The following PTPRO variants were observed in gnomAD, a reference collection of about 807,000 sequenced individuals.
PTPRO encodes protein tyrosine phosphatase receptor type O, also known as receptor-type tyrosine-protein phosphatase O.
In PTPRO, 62 loss-of-function variants were observed where a neutral mutation model predicts 145.2. The observed-to-expected ratio is 0.43, with a 90% CI of 0.35 to 0.53. The LOEUF (loss-of-function observed/expected upper bound fraction) is 0.53. PTPRO is among the 20% of genes least tolerant of loss of function. The probability of loss-of-function intolerance (pLI) is 0.01; values close to 1 mark genes in which losing one functional copy is unlikely to be tolerated. For synonymous variants in PTPRO, 565 were observed against 514.7 expected (o/e 1.10, Z -1.32); for missense variants, 1,345 against 1,482.7 (o/e 0.91, Z 1.53).
chr12:15,513,291 G>C lies in PTPRO; in HGVS notation c.1465-2207G>C, dbSNP rs576035614. Among the ~76,000 whole-genome samples, 426 of 151,210 alleles carry C rather than the reference G, an allele frequency of 2.8e-3. 10 individuals are homozygous for C. Among genetic ancestry groups the C allele is most frequent in the East Asian group, 9.7e-4 (5 of 5,148 alleles). On this transcript the variant is annotated intron_variant, in intron 7 of 26. Transcript: ENST00000281171. ...AGGAAGGAGGGAGGGAGGGAAGGAA[G>C]GAAGGAAGGAAGGGAAACTCTCTAT...
intron 10 of PTPRO, among the ~76,000 whole-genome samples, chr12:15,522,441 T>A (rs1179883752): frequency 6.6e-6 from 1 of 150,530 alleles, no homozygotes; most frequent in Non-Finnish European, 1.5e-5. Context: ...ACAGTTCTCA[T>A]GTGATGCTAA....
intron 12 of PTPRO, among the ~76,000 whole-genome samples, chr12:15,542,853 C>T (rs1011618719): frequency 6.6e-5 from 10 of 152,140 alleles, no homozygotes; most frequent in East Asian, 3.9e-4. Context: ...ATTTCAAGTA[C>T]GCAACAGCTA....
chr12:15,412,168 G>GA (rs55688106), intron 1 of PTPRO, among the ~76,000 whole-genome samples: 1 of 152,036 alleles, frequency 6.6e-6, no homozygotes, highest in Non-Finnish European at 1.5e-5. Context: ...AAAAGCATTT[G>GA]AAAAAATGCC....
rs769300317 is a variant in PTPRO, at chr12:15,497,259, A to T, written c.364A>T (p.Thr122Ser). The change falls in exon 3 of 27, where the codon ACC becomes TCC. Residue 122 changes from threonine to serine, a missense_variant. This residue lies in a region of PTPRO where 1,130 missense variants were observed against 1,214.7 expected (regional missense o/e 0.93). Coordinates refer to ENST00000281171, the MANE Select transcript of PTPRO (RefSeq NM_030667.3). ...CACTTCTGTAGAACCTCTACCTGTA[A>T]CCAGTGTTTCCATATATGACTATAA... ...ITVLTKPLPV[T>S]SVSIYDYKPS... 8.3e-6 allele frequency: 13 copies of T among 1,573,644 alleles called. No individual in the cohort carries two copies. In the South Asian group the frequency reaches 1.4e-4, roughly 17 times the overall value.
At chr12:15,383,069 C>T (rs1165328107) in intron 1 of PTPRO, among the ~76,000 whole-genome samples, 1 of 152,166 alleles carries the variant, frequency 6.6e-6, no homozygotes, top group African/African-American at 2.4e-5. Flanking sequence ...CTTATTCCTC[C>T]TGCCTAACTG....
intron 12 of PTPRO, among the ~76,000 whole-genome samples, chr12:15,536,362 A>T (rs1361235761): frequency 6.6e-6 from 1 of 152,184 alleles, no homozygotes; most frequent in Non-Finnish European, 1.5e-5. Context: ...GAGATGAGGG[A>T]GTAAACCAAA....
rs148300359 is a variant in PTPRO at position 15,335,827 on chromosome 12, A to G, written c.75+13026A>G. ...ATCTTTAAACCCTTTTTCCATCTCTATGCTATTACCTTGGTTCATTTCTAC... is the reference window on the plus strand; with the variant it reads ...ATCTTTAAACCCTTTTTCCATCTCTGTGCTATTACCTTGGTTCATTTCTAC... On this transcript the variant is annotated intron_variant, in intron 1 of 26. Transcript: ENST00000281171. Among the ~76,000 whole-genome samples, 238 of 152,168 alleles carry G rather than the reference A, an allele frequency of 1.6e-3. 2 individuals are homozygous for G. The highest frequency in any genetic ancestry group is 5.6e-3 in the African/African-American group (232 of 41,538).
intron 1 of PTPRO, among the ~76,000 whole-genome samples, chr12:15,455,967 G>C (rs187394315): frequency 3.9e-4 from 60 of 152,262 alleles, no homozygotes; most frequent in African/African-American, 1.4e-3. Context: ...TAACAAACTT[G>C]CACGTTCTGC....
chr12:15,548,654 A>C (rs552066500), intron 13 of PTPRO, among the ~76,000 whole-genome samples: 2 of 152,230 alleles, frequency 1.3e-5, no homozygotes, highest in African/African-American at 4.8e-5. Context: ...ACATTCATCA[A>C]CCGGGGCTCA....
intron 1 of PTPRO, among the ~76,000 whole-genome samples, chr12:15,436,097 T>C (rs1404206457): frequency 1.3e-5 from 2 of 152,140 alleles, no homozygotes; most frequent in African/African-American, 4.8e-5. Context: ...AGACACAACA[T>C]ACCAGAATCT....
intron 1 of PTPRO, among the ~76,000 whole-genome samples, chr12:15,342,592 T>A (rs1247178650): frequency 6.6e-6 from 1 of 152,166 alleles, no homozygotes; most frequent in Admixed American, 6.5e-5. Flanking sequence ...AATATCAGCC[T>A]TTTTCCTATG....
rs570321538 is a variant in PTPRO at position 15,540,978 on chromosome 12, G to A, written c.2165-5591G>A. Among the ~76,000 whole-genome samples the A allele has an allele frequency of 2.6e-5, 4 of 152,272 alleles. No individual in the cohort carries two copies. The East Asian group carries it at 5.8e-4, about 22-fold the overall frequency. On this transcript the variant is annotated intron_variant, in intron 12 of 26. Transcript: ENST00000281171. Reference sequence around the variant, plus strand: ...GGAAGGCCAGCTAGTTGAGTGGAACGCCAGCAATATTAGAAAGCTTTTAGA... The same window carrying A: ...GGAAGGCCAGCTAGTTGAGTGGAACACCAGCAATATTAGAAAGCTTTTAGA...
chr12:15,441,653 GA>G (rs1446895743), intron 1 of PTPRO, among the ~76,000 whole-genome samples: 1 of 151,976 alleles, frequency 6.6e-6, no homozygotes, highest in Non-Finnish European at 1.5e-5. Context: ...AGCACAATCA[GA>G]AATGACAAAG....
chr12:15,324,057 AAAT>A (rs1447157250), intron 1 of PTPRO, among the ~76,000 whole-genome samples: 2 of 152,220 alleles, frequency 1.3e-5, no homozygotes, highest in Non-Finnish European at 2.9e-5. Context: ...AAAGTATGGT[AAAT>A]AATAAGCTCA....
At chr12:15,486,337 G>A (rs771698361) in intron 2 of PTPRO, among the ~76,000 whole-genome samples, 1 of 151,972 alleles carries the variant, frequency 6.6e-6, no homozygotes, top group Non-Finnish European at 1.5e-5. Context: ...TTTCCCTTTT[G>A]CCTGATATTA....
At chr12:15,429,820 G>T (rs888272289) in intron 1 of PTPRO, among the ~76,000 whole-genome samples, 3 of 152,068 alleles carry the variant, frequency 2.0e-5, no homozygotes, top group African/African-American at 7.2e-5. Context: ...GGGAGAGAGA[G>T]CAATGTGGAC....
chr12:15,596,308 C>CA lies in PTPRO; in HGVS notation c.*236dup, dbSNP rs1323639491. Reference sequence around the variant, plus strand: ...TAATAATGGACCAAATTCAACAGAACACCAGGAAGGTCAAGACGCTCTCCA... The same window carrying CA: ...TAATAATGGACCAAATTCAACAGAACAACCAGGAAGGTCAAGACGCTCTCCA... On this transcript the variant is annotated 3_prime_UTR_variant, in exon 27 of 27. Coordinates refer to ENST00000281171, the MANE Select transcript of PTPRO (RefSeq NM_030667.3). 1 of 152,598 alleles carries CA rather than the reference C, an allele frequency of 6.6e-6. No individual in the cohort carries two copies. Among genetic ancestry groups the CA allele is most frequent in the Non-Finnish European group, 1.5e-5 (1 of 68,036 alleles). The allele number at this position is 152,598 out of a possible 1,614,324, so 9.5% of individuals were successfully genotyped here.
chr12:15,562,225 C>T (rs1490342817), intron 17 of PTPRO, among the ~76,000 whole-genome samples: 1 of 152,128 alleles, frequency 6.6e-6, no homozygotes. Flanking sequence ...TCATGCTCCC[C>T]GCTCGTGGAA....
intron 2 of PTPRO, among the ~76,000 whole-genome samples, chr12:15,493,792 G>A (rs958830123): frequency 6.6e-6 from 1 of 152,084 alleles, no homozygotes; most frequent in Non-Finnish European, 1.5e-5. Context: ...TTCTATTCAG[G>A]ATTTTCAACC....
Sources: allele counts gnomAD v4.1 joint callset (sites outside exome capture counted in the v4.1 genomes callset), GRCh38; gene constraint gnomAD v4.1.1; regional missense constraint gnomAD v4.1.1; transcripts MANE v1.5; gene names NCBI Gene and HGNC (gene_info 2026-07-23, HGNC 2026-07-21).